Variants in CDKAL1 observed in about 807,000 individuals in gnomAD.
CDKAL1 encodes the protein threonylcarbamoyladenosine tRNA methylthiotransferase.
In CDKAL1, 32 loss-of-function variants were observed where a neutral mutation model predicts 68.2. The ratio of observed to expected loss-of-function variants is 0.47; its 90% CI spans 0.35 to 0.63. The LOEUF (loss-of-function observed/expected upper bound fraction) is 0.63. CDKAL1 is among the 30% of genes least tolerant of loss of function. CDKAL1 has a pLI of 0.00. For missense variants in CDKAL1, 606 were observed against 696.7 expected, an observed-to-expected ratio of 0.87 and a Z score of 1.47; for synonymous variants, 234 against 244.3, an observed-to-expected ratio of 0.96 and a Z score of 0.39.
intron 13 of CDKAL1, among the ~76,000 whole-genome samples, chr6:21,122,971 G>A (rs1774804357): frequency 1.3e-5 from 2 of 151,902 alleles, no homozygotes. Flanking sequence ...AAAAAGAGGA[G>A]ATAGGAAATA....
intron 6 of CDKAL1, among the ~76,000 whole-genome samples, chr6:20,751,159 A>G (rs1009529368): frequency 1.3e-5 from 2 of 152,214 alleles, no homozygotes; most frequent in South Asian, 2.1e-4. Context: ...AGGAAAAATG[A>G]TACTTCAAGT....
At chr6:20,853,424 TA>T (rs1759148165) in intron 9 of CDKAL1, among the ~76,000 whole-genome samples, 1 of 149,556 alleles carries the variant, frequency 6.7e-6, no homozygotes, top group South Asian at 2.1e-4. Flanking sequence ...CCCTATATGA[TA>T]GGGGTTATTG....
intron 5 of CDKAL1, among the ~76,000 whole-genome samples, chr6:20,701,817 A>T (rs1314538304): frequency 6.6e-6 from 1 of 152,172 alleles, no homozygotes; most frequent in East Asian, 1.9e-4. Flanking sequence ...TTGTATGTGT[A>T]GTTTAATCAT....
At chr6:21,154,676 T>C (rs1036317705) in intron 13 of CDKAL1, among the ~76,000 whole-genome samples, 5 of 152,164 alleles carry the variant, frequency 3.3e-5, no homozygotes, top group Admixed American at 1.3e-4. Context: ...CTAAATACTC[T>C]ACAATGTGTA....
At chr6:20,571,393 G>A (rs1764695947) in intron 4 of CDKAL1, among the ~76,000 whole-genome samples, 1 of 152,064 alleles carries the variant, frequency 6.6e-6, no homozygotes. Flanking sequence ...TCTTATCCTT[G>A]TAAGAAGACT....
intron 8 of CDKAL1, among the ~76,000 whole-genome samples, chr6:20,845,635 CATT>C (rs1778349209): frequency 6.6e-6 from 1 of 151,934 alleles, no homozygotes; most frequent in African/African-American, 2.4e-5. Context: ...ATTCTTATAT[CATT>C]AGTTAAAAGT....
intron 13 of CDKAL1, among the ~76,000 whole-genome samples, chr6:21,117,475 C>CAAA (rs11418036): frequency 1.3e-5 from 2 of 148,928 alleles, no homozygotes; most frequent in Admixed American, 6.7e-5. Flanking sequence ...CTATCTCTAC[C>CAAA]AAAAAAAAAC....
intron 13 of CDKAL1, among the ~76,000 whole-genome samples, chr6:21,186,505 T>C (rs2151092032): frequency 6.6e-6 from 1 of 152,350 alleles, no homozygotes; most frequent in Non-Finnish European, 1.5e-5. Context: ...AAATGACAGA[T>C]TGGAAAATGT....
At chr6:20,654,484 T>C (rs1768933523) in intron 5 of CDKAL1, among the ~76,000 whole-genome samples, 1 of 152,170 alleles carries the variant, frequency 6.6e-6, no homozygotes, top group South Asian at 2.1e-4. Flanking sequence ...CCGTTCTTTT[T>C]GGTCTGTGTT....
intron 8 of CDKAL1, among the ~76,000 whole-genome samples, chr6:20,786,141 C>G (rs1167390989): frequency 5.3e-5 from 8 of 152,142 alleles, no homozygotes; most frequent in Admixed American, 5.2e-4. Context: ...AGGAGAATTG[C>G]TTGAACCCAG....
chr6:20,657,354 A>C (rs1769073519), intron 5 of CDKAL1, among the ~76,000 whole-genome samples: 1 of 152,168 alleles, frequency 6.6e-6, no homozygotes, highest in Non-Finnish European at 1.5e-5. Context: ...CCCAAATGTA[A>C]AGATTTACAG....
chr6:20,826,300 C>T (rs1290507863), intron 8 of CDKAL1, among the ~76,000 whole-genome samples: 1 of 152,096 alleles, frequency 6.6e-6, no homozygotes, highest in African/African-American at 2.4e-5. Context: ...GTTTTTTCCT[C>T]CCTAAATATA....
intron 5 of CDKAL1, among the ~76,000 whole-genome samples, chr6:20,704,870 A>T (rs151335728): frequency 6.6e-6 from 1 of 152,212 alleles, no homozygotes; most frequent in Non-Finnish European, 1.5e-5. Context: ...TGCCAATACC[A>T]TTATAGGGTG....
chr6:20,752,980 C>T (rs767784827), intron 6 of CDKAL1, among the ~76,000 whole-genome samples: 3 of 152,098 alleles, frequency 2.0e-5, no homozygotes, highest in Non-Finnish European at 4.4e-5. Flanking sequence ...CCACTCCCAA[C>T]GTTTTTTTTC....
At chr6:20,649,934 T>A (rs1424746497) in intron 5 of CDKAL1, among the ~76,000 whole-genome samples, 1 of 152,252 alleles carries the variant, frequency 6.6e-6, no homozygotes, top group Non-Finnish European at 1.5e-5. Context: ...TTCCATGGTG[T>A]ATATGCACCA....
intron 9 of CDKAL1, among the ~76,000 whole-genome samples, chr6:20,866,132 C>T (rs558688120): frequency 3.3e-5 from 5 of 152,076 alleles, no homozygotes; most frequent in Admixed American, 1.3e-4. Flanking sequence ...CCAGGTCAGA[C>T]GCCCTTGATT....
At chr6:20,706,685 G>T (rs1163463249) in intron 5 of CDKAL1, among the ~76,000 whole-genome samples, 3 of 152,154 alleles carry the variant, frequency 2.0e-5, no homozygotes, top group Non-Finnish European at 4.4e-5. Flanking sequence ...GTTATACAAG[G>T]TCATAAATAA....
At chr6:21,115,278 C>A (rs1582228626) in intron 13 of CDKAL1, among the ~76,000 whole-genome samples, 1 of 152,184 alleles carries the variant, frequency 6.6e-6, no homozygotes, top group African/African-American at 2.4e-5. Flanking sequence ...TATTGTCAAG[C>A]CTTCATTATC....
intron 13 of CDKAL1, among the ~76,000 whole-genome samples, chr6:21,150,237 G>A (rs1237174307): frequency 6.6e-6 from 1 of 152,148 alleles, no homozygotes; most frequent in Non-Finnish European, 1.5e-5. Flanking sequence ...TTACCAAACA[G>A]CACGCTTCCG....
Sources: gnomAD v4.1 joint callset for allele counts (sites outside exome capture counted in the v4.1 genomes callset) on GRCh38, gnomAD v4.1.1 for gene constraint, MANE v1.5 for transcripts, NCBI Gene and HGNC (gene_info 2026-07-23, HGNC 2026-07-21) for gene names.